The following ALKAL1 variants were observed in gnomAD, a reference collection of about 807,000 sequenced individuals.
The protein encoded by ALKAL1 is AUG-beta.
Under a neutral mutation model 13.5 loss-of-function variants are expected in ALKAL1, and 23 were observed. That is an observed-to-expected ratio of 1.70 (90% confidence interval 1.23 to 2.41). The LOEUF (loss-of-function observed/expected upper bound fraction) is 2.41, where lower values mean the gene tolerates loss of function less well. Ranked by LOEUF, ALKAL1 falls within the 30% of genes most tolerant of loss-of-function variation. ALKAL1 has a pLI of 0.00. For missense variants in ALKAL1, 181 were observed against 178.4 expected, an observed-to-expected ratio of 1.01 and a Z score of -0.08; for synonymous variants, 85 against 77.7, an observed-to-expected ratio of 1.09 and a Z score of -0.49.
At chr8:52,543,068 G>T (rs914119128) in intron 1 of ALKAL1, among the ~76,000 whole-genome samples, 1 of 152,164 alleles carries the variant, frequency 6.6e-6, no homozygotes, top group African/African-American at 2.4e-5. Flanking sequence ...GGAAGGTTTT[G>T]CACTTAATAC....
At chr8:52,551,653 T>G (rs1041321952) in intron 1 of ALKAL1, among the ~76,000 whole-genome samples, 1 of 152,040 alleles carries the variant, frequency 6.6e-6, no homozygotes, top group Admixed American at 6.6e-5. Context: ...ATTTATATTA[T>G]TTAAAGTTTT....
intron 1 of ALKAL1, among the ~76,000 whole-genome samples, chr8:52,547,396 A>G (rs2150345406): frequency 6.6e-6 from 1 of 152,276 alleles, no homozygotes; most frequent in African/African-American, 2.4e-5. Context: ...GCTACTCGGA[A>G]GGCTGAGGGA....
chr8:52,562,328 G>A (rs1847559062), intron 1 of ALKAL1, among the ~76,000 whole-genome samples: 1 of 152,156 alleles, frequency 6.6e-6, no homozygotes, highest in Non-Finnish European at 1.5e-5. Context: ...GAGAGACATC[G>A]CAGGCAGGAA....
chr8:52,542,334 A>G, intron 2 of ALKAL1, 58 bp downstream of exon 2: 1 of 1,154,786 alleles, frequency 8.7e-7, no homozygotes, highest in Non-Finnish European at 1.3e-6. Flanking sequence ...CTGACATAGT[A>G]TTCTGCACAC....
At chr8:52,546,853 G>A (rs1021840150) in intron 1 of ALKAL1, among the ~76,000 whole-genome samples, 5 of 152,198 alleles carry the variant, frequency 3.3e-5, no homozygotes, top group Non-Finnish European at 7.3e-5. Flanking sequence ...TTGCCTTGCT[G>A]AGAGATCCTT....
intron 1 of ALKAL1, among the ~76,000 whole-genome samples, chr8:52,563,289 C>T (rs1847569250): frequency 6.6e-6 from 1 of 152,016 alleles, no homozygotes; most frequent in African/African-American, 2.4e-5. Flanking sequence ...TAAAATTAGC[C>T]GGGCGTGGTG....
intron 4 of ALKAL1, among the ~76,000 whole-genome samples, chr8:52,537,684 C>A (rs1050509501): frequency 1.3e-5 from 2 of 151,762 alleles, no homozygotes; most frequent in Non-Finnish European, 2.9e-5. Flanking sequence ...ATGGATGAAG[C>A]TGGAGGACAT....
rs184323346 is a variant in ALKAL1, at chr8:52,551,453, C to T, written c.191-9008G>A. ...AGGACAACAGGCATGCCACCATGCC[C>T]GGCTAATTCATTTTTTTTTTTTTTT... On this transcript the variant is annotated intron_variant, in intron 1 of 4. Coordinates refer to ENST00000358543, the MANE Select transcript of ALKAL1 (RefSeq NM_207413.4). 3.9e-4 allele frequency among the ~76,000 whole-genome samples: 59 copies of T among 151,360 alleles called. 1 individual carries two copies. Among genetic ancestry groups the T allele is most frequent in the African/African-American group, 1.3e-3 (54 of 41,286 alleles).
At position 52,541,370 on chromosome 8, in the gene ALKAL1, G is replaced by A. The variant is rs528648605; in HGVS notation, c.244+1022C>T. Among the ~76,000 whole-genome samples the A allele has an allele frequency of 2.6e-5, 4 of 152,290 alleles. No homozygotes were observed. The South Asian group carries it at 8.3e-4, about 32-fold the overall frequency. The stretch of plus-strand genomic sequence containing the variant: ...AGCAGTCCCAGCTGCTTCGGAGGCT[G>A]AGGTGGAAGTATCCCTTGAGCCTAT... On this transcript the variant is annotated intron_variant, in intron 2 of 4. Coordinates refer to ENST00000358543, the MANE Select transcript of ALKAL1 (RefSeq NM_207413.4).
intron 4 of ALKAL1, among the ~76,000 whole-genome samples, chr8:52,537,718 C>T (rs1847276705): frequency 6.6e-6 from 1 of 151,104 alleles, no homozygotes; most frequent in Admixed American, 6.6e-5. Context: ...GTAAGTCAGG[C>T]ACAGAAAGAT....
In ALKAL1 at chr8:52,534,601, C is replaced by T. The variant is rs1847249713; in HGVS notation, c.*13-1G>A. ...TTAGATGTACATTCTTAGGAAATGT[C>T]TGTGGGGGTAAAAGAAGAGCCATAT... is the stretch of plus-strand genomic sequence containing the variant. On this transcript the variant is annotated splice_acceptor_variant, in intron 4 of 4. Transcript: ENST00000358543. LOFTEE classifies it low-confidence loss of function (3UTR_SPLICE). The T allele has an allele frequency of 1.7e-6, 1 of 598,892 alleles. No homozygotes were observed. 37.1% of individuals were successfully genotyped at this position (598,892 alleles called of 1,614,324 possible). A position where few individuals can be genotyped will look rare whatever the true frequency, so the allele number is the denominator to read the frequency against.
chr8:52,556,165 G>C lies in ALKAL1; in HGVS notation c.190+8902C>G, dbSNP rs541713705. On this transcript the variant is annotated intron_variant, in intron 1 of 4. Transcript: ENST00000358543. ...ATGAGGCGATGAAATTCTTTATGCA[G>C]CAAGAGTTTTCCAGTATATTTCAAA... is the stretch of plus-strand genomic sequence containing the variant. 5.9e-5 allele frequency among the ~76,000 whole-genome samples: 9 copies of C among 152,264 alleles called. No individual in the cohort carries two copies. In the South Asian group the frequency reaches 1.9e-3, roughly 32 times the overall value.
intron 1 of ALKAL1, among the ~76,000 whole-genome samples, chr8:52,556,664 A>AG (rs1847486520): frequency 1.3e-5 from 2 of 150,220 alleles, no homozygotes; most frequent in Admixed American, 1.3e-4. Flanking sequence ...AAAAAAAAAA[A>AG]AAAAAAAAAA....
At position 52,565,356 on chromosome 8, in the gene ALKAL1, G is replaced by A; in HGVS notation, c.-100C>T. The A allele has an allele frequency of 2.0e-6, 2 of 994,150 alleles. No homozygotes were observed. The highest frequency in any genetic ancestry group is 1.7e-5 in the African/African-American group (1 of 59,410). The allele number at this position is 994,150 out of a possible 1,614,324, so 61.6% of individuals were successfully genotyped here. A position where few individuals can be genotyped will look rare whatever the true frequency, so the allele number is the denominator to read the frequency against. On this transcript the variant is annotated 5_prime_UTR_variant, in exon 1 of 5. Transcript: ENST00000358543. Reference sequence around the variant, plus strand: ...GAGAAGGCCAGCGGGACCACAGCGCGGCTACGCGGCCGGCCGCAGTCTTCA... The same window carrying A: ...GAGAAGGCCAGCGGGACCACAGCGCAGCTACGCGGCCGGCCGCAGTCTTCA...
At position 52,565,331 on chromosome 8, in the gene ALKAL1, G is replaced by A; in HGVS notation, c.-75C>T. ...CAGGTCCGGAGGGTGCGCGGCCCAA[G>A]AGAAGGCCAGCGGGACCACAGCGCG... On this transcript the variant is annotated 5_prime_UTR_variant, in exon 1 of 5. Coordinates refer to ENST00000358543, the MANE Select transcript of ALKAL1 (RefSeq NM_207413.4). 3 of 1,163,396 alleles carry A rather than the reference G, an allele frequency of 2.6e-6. No individual in the cohort carries two copies. The highest frequency in any genetic ancestry group is 6.4e-5 in the East Asian group (2 of 31,164). The allele number at this position is 1,163,396 out of a possible 1,614,324, so 72.1% of individuals were successfully genotyped here.
At chr8:52,538,228 A>AT (rs1847280787) in intron 4 of ALKAL1, among the ~76,000 whole-genome samples, 1 of 152,070 alleles carries the variant, frequency 6.6e-6, no homozygotes, top group Non-Finnish European at 1.5e-5. Flanking sequence ...TTCATTGTAT[A>AT]TTTTTTTAAA....
Position 52,565,161 on chromosome 8 carries a change from G to A in ALKAL1, c.96C>T (p.Arg32=). The change falls in exon 1 of 5, where the codon CGC becomes CGT. Residue 32 remains arginine, a synonymous_variant. Coordinates refer to ENST00000358543, the MANE Select transcript of ALKAL1 (RefSeq NM_207413.4). ...CCTTATCCGTGACGCGCGCTCCCCTGCGCCCCCGGGGCCTCCCGTGGGCTC... is the reference window on the plus strand; with the variant it reads ...CCTTATCCGTGACGCGCGCTCCCCTACGCCCCCGGGGCCTCCCGTGGGCTC... ...PHGAHGRPRG[R]RGARVTDKEP... 7.2e-7 allele frequency: 1 copy of A among 1,393,896 alleles called. No homozygotes were observed. The highest frequency in any genetic ancestry group is 9.4e-7 in the Non-Finnish European group (1 of 1,065,348). 86.3% of individuals were successfully genotyped at this position (1,393,896 alleles called of 1,614,324 possible).
intron 1 of ALKAL1, among the ~76,000 whole-genome samples, chr8:52,554,944 G>A (rs1468660948): frequency 6.6e-6 from 1 of 152,164 alleles, no homozygotes; most frequent in Non-Finnish European, 1.5e-5. Context: ...GGCTGAGGCG[G>A]GCGGATCACG....
At chr8:52,547,265 A>C (rs1453655025) in intron 1 of ALKAL1, among the ~76,000 whole-genome samples, 1 of 152,190 alleles carries the variant, frequency 6.6e-6, no homozygotes, top group Non-Finnish European at 1.5e-5. Context: ...TGGGAGGCTG[A>C]GGCAGGTGGA....
Sources: gnomAD v4.1 joint callset for allele counts (sites outside exome capture counted in the v4.1 genomes callset) on GRCh38, gnomAD v4.1.1 for gene constraint, MANE v1.5 for transcripts, NCBI Gene and HGNC (gene_info 2026-07-23, HGNC 2026-07-21) for gene names.